Variants in CADM2 observed in about 807,000 individuals in gnomAD.
CADM2 encodes cell adhesion molecule 2, also known as immunoglobulin superfamily member 4D.
In CADM2, 12 loss-of-function variants were observed where a neutral mutation model predicts 49.8. The observed-to-expected ratio is 0.24, with a 90% CI of 0.15 to 0.39. The LOEUF is 0.39. Ranked by LOEUF, CADM2 falls within the 10% of genes least tolerant of loss-of-function variation. The pLI, the probability that CADM2 is intolerant of heterozygous loss-of-function variation, is 1.00. For synonymous variants in CADM2, 214 were observed against 175.4 expected (o/e 1.22, Z -1.74); for missense variants, 378 against 492.3 (o/e 0.77, Z 2.20).
chr3:85,307,224 G>A (rs2044235441), intron 1 of CADM2, among the ~76,000 whole-genome samples: 2 of 151,188 alleles, frequency 1.3e-5, no homozygotes, highest in South Asian at 4.2e-4. Context: ...CAGTATTTTT[G>A]CCTTATTATC....
intron 1 of CADM2, among the ~76,000 whole-genome samples, chr3:85,571,802 G>T (rs764020459): frequency 6.6e-6 from 1 of 152,014 alleles, no homozygotes; most frequent in Non-Finnish European, 1.5e-5. Context: ...TATTTTGTAA[G>T]GTCTGCTTTT....
At chr3:85,348,471 T>A (rs2030996907) in intron 1 of CADM2, among the ~76,000 whole-genome samples, 1 of 152,228 alleles carries the variant, frequency 6.6e-6, no homozygotes, top group Non-Finnish European at 1.5e-5. Flanking sequence ...ACACATTTTA[T>A]CACAAGAAAA....
chr3:85,067,533 C>G (rs1444851065), intron 1 of CADM2, among the ~76,000 whole-genome samples: 2 of 152,088 alleles, frequency 1.3e-5, no homozygotes, highest in African/African-American at 2.4e-5. Flanking sequence ...GAAGTGGGAA[C>G]AGTATGGTAT....
intron 1 of CADM2, among the ~76,000 whole-genome samples, chr3:85,511,602 A>C (rs2040619056): frequency 6.6e-6 from 1 of 152,076 alleles, no homozygotes; most frequent in Non-Finnish European, 1.5e-5. Context: ...AAGAACTGAC[A>C]AAAATAGATG....
intron 1 of CADM2, among the ~76,000 whole-genome samples, chr3:85,121,973 C>T (rs919562268): frequency 6.6e-6 from 1 of 152,056 alleles, no homozygotes; most frequent in Non-Finnish European, 1.5e-5. Flanking sequence ...GGTGCTCCTT[C>T]TCTGCATCCT....
At chr3:85,784,486 A>G (rs1043079394) in intron 2 of CADM2, among the ~76,000 whole-genome samples, 1 of 152,030 alleles carries the variant, frequency 6.6e-6, no homozygotes, top group African/African-American at 2.4e-5. Context: ...GGTATTATTA[A>G]TATGACAGTG....
At chr3:85,249,080 G>C (rs1293890261) in intron 1 of CADM2, among the ~76,000 whole-genome samples, 1 of 151,984 alleles carries the variant, frequency 6.6e-6, no homozygotes, top group Non-Finnish European at 1.5e-5. Context: ...TGATATAATT[G>C]AATATCTCTT....
At chr3:85,380,154 A>G (rs2107350950) in intron 1 of CADM2, among the ~76,000 whole-genome samples, 1 of 152,164 alleles carries the variant, frequency 6.6e-6, no homozygotes, top group East Asian at 1.9e-4. Flanking sequence ...ACCTTTCAGC[A>G]GTATTCAAGT....
chr3:85,680,799 C>T (rs2066019764), intron 1 of CADM2, among the ~76,000 whole-genome samples: 1 of 152,104 alleles, frequency 6.6e-6, no homozygotes, highest in Non-Finnish European at 1.5e-5. Context: ...GATATTCTTC[C>T]TTTAAGGCTG....
intron 1 of CADM2, among the ~76,000 whole-genome samples, chr3:85,072,244 A>C (rs2036776691): frequency 6.6e-6 from 1 of 152,040 alleles, no homozygotes. Flanking sequence ...AAGTGGAACA[A>C]GTTTTAACCC....
At chr3:85,760,539 A>G (rs1224515541) in intron 2 of CADM2, among the ~76,000 whole-genome samples, 1 of 152,178 alleles carries the variant, frequency 6.6e-6, no homozygotes. Flanking sequence ...TAGTTCTAGT[A>G]TGGAACTTCT....
intron 1 of CADM2, among the ~76,000 whole-genome samples, chr3:85,040,045 C>T (rs1382086090): frequency 6.6e-6 from 1 of 152,160 alleles, no homozygotes; most frequent in Non-Finnish European, 1.5e-5. Context: ...CATGAGTTTT[C>T]ACAGAATGAG....
intron 1 of CADM2, among the ~76,000 whole-genome samples, chr3:85,550,101 CAGTG>C (rs746617253): frequency 5.9e-5 from 9 of 152,208 alleles, no homozygotes; most frequent in East Asian, 1.9e-4. Flanking sequence ...AGATAGGGAG[CAGTG>C]AGTGAGTAGT....
intron 1 of CADM2, among the ~76,000 whole-genome samples, chr3:85,717,865 T>C (rs2067353639): frequency 6.6e-6 from 1 of 152,148 alleles, no homozygotes; most frequent in Admixed American, 6.5e-5. Context: ...CCTCCCAGTT[T>C]CAAGCATTTC....
chr3:85,263,372 C>T (rs1198428452), intron 1 of CADM2, among the ~76,000 whole-genome samples: 1 of 152,068 alleles, frequency 6.6e-6, no homozygotes, highest in Admixed American at 6.6e-5. Flanking sequence ...ATATATAAAA[C>T]ACAAATCAAT....
chr3:86,011,370 T>C (rs554887204), intron 8 of CADM2, among the ~76,000 whole-genome samples: 23 of 152,150 alleles, frequency 1.5e-4, no homozygotes, highest in Admixed American at 2.6e-4. Flanking sequence ...TTTAATCAGT[T>C]CATTGACTTG....
chr3:85,702,936 C>G (rs1442441916), intron 1 of CADM2, among the ~76,000 whole-genome samples: 3 of 152,108 alleles, frequency 2.0e-5, no homozygotes, highest in Admixed American at 1.3e-4. Context: ...CTTTGCATTT[C>G]CTGCTCCTTT....
chr3:85,213,406 G>A (rs1027328039), intron 1 of CADM2, among the ~76,000 whole-genome samples: 1 of 151,424 alleles, frequency 6.6e-6, no homozygotes, highest in Non-Finnish European at 1.5e-5. Context: ...CTCTCTCCTG[G>A]CCTATAAGAT....
chr3:85,600,567 T>A (rs987592145), intron 1 of CADM2, among the ~76,000 whole-genome samples: 6 of 151,934 alleles, frequency 3.9e-5, no homozygotes, highest in Admixed American at 3.9e-4. Flanking sequence ...ACATGAGGTA[T>A]GCATTCAAAA....
Sources: allele counts gnomAD v4.1 joint callset (sites outside exome capture counted in the v4.1 genomes callset), GRCh38; gene constraint gnomAD v4.1.1; transcripts MANE v1.5; gene names NCBI Gene and HGNC (gene_info 2026-07-23, HGNC 2026-07-21).